AP3B1: variants seen among roughly 807,000 people sequenced by gnomAD.
The protein encoded by AP3B1 is adaptor related protein complex 3 subunit beta 1.
AP3B1 carries 61 observed loss-of-function variants against 132.5 expected under a neutral mutation model. The observed-to-expected ratio is 0.46, with a 90% confidence interval of 0.37 to 0.57. The LOEUF is 0.57. Ranked by LOEUF, AP3B1 falls within the 20% of genes least tolerant of loss-of-function variation. The pLI is 0.00. For synonymous variants in AP3B1, 388 were observed against 438.3 expected (o/e 0.89, Z 1.43); for missense variants, 1,120 against 1,289.4 (o/e 0.87, Z 2.01).
At chr5:78,046,551 C>T (rs889263109) in intron 22 of AP3B1, among the ~76,000 whole-genome samples, 1 of 152,138 alleles carries the variant, frequency 6.6e-6, no homozygotes, top group Non-Finnish European at 1.5e-5. Flanking sequence ...GATGTTTCCA[C>T]AGCAAACAGC....
At chr5:78,013,137 T>C (rs1480444532) in intron 26 of AP3B1, among the ~76,000 whole-genome samples, 1 of 152,066 alleles carries the variant, frequency 6.6e-6, no homozygotes, top group African/African-American at 2.4e-5. Flanking sequence ...TTGACCTCCA[T>C]GGGCTCAGGC....
In AP3B1 at chr5:78,003,508, T is replaced by C. The variant is rs532979513; in HGVS notation, c.3132-453A>G. On this transcript the variant is annotated intron_variant, in intron 26 of 26. Coordinates refer to ENST00000255194, the MANE Select transcript of AP3B1 (RefSeq NM_003664.5). ...AACTCCTCATATCTGAAAATGATTA[T>C]GTAATAAGTTAGATAATTTTACGTA... is the stretch of plus-strand genomic sequence containing the variant. 563 of 729,328 alleles carry C rather than the reference T, an allele frequency of 7.7e-4. No homozygotes were observed. The Middle Eastern group carries it at 0.019, about 25-fold the overall frequency. The allele number at this position is 729,328 out of a possible 1,614,324, so 45.2% of individuals were successfully genotyped here. A position where few individuals can be genotyped will look rare whatever the true frequency, so the allele number is the denominator to read the frequency against.
At chr5:78,040,007 A>G (rs1748005721) in intron 22 of AP3B1, among the ~76,000 whole-genome samples, 1 of 151,978 alleles carries the variant, frequency 6.6e-6, no homozygotes, top group Non-Finnish European at 1.5e-5. Context: ...GTTTTAGCCA[A>G]CTACCAAAAT....
chr5:78,137,256 T>C (rs1580394818), intron 15 of AP3B1, among the ~76,000 whole-genome samples: 1 of 152,298 alleles, frequency 6.6e-6, no homozygotes, highest in East Asian at 1.9e-4. Context: ...AGGTACAAAC[T>C]CAGTCTCTTG....
At chr5:78,084,273 G>T (rs1187082969) in intron 22 of AP3B1, among the ~76,000 whole-genome samples, 1 of 152,020 alleles carries the variant, frequency 6.6e-6, no homozygotes, top group Non-Finnish European at 1.5e-5. Flanking sequence ...TTGAGCCCAG[G>T]AGTTTGAGAC....
chr5:78,282,145 C>G lies in AP3B1; in HGVS notation c.128+12307G>C, dbSNP rs539919439. On this transcript the variant is annotated intron_variant, in intron 1 of 26. Coordinates refer to ENST00000255194, the MANE Select transcript of AP3B1 (RefSeq NM_003664.5). ...TTTCCACACTCAACATCCCTTGACA[C>G]TGCTGTCACCACCACCAAGGTCACC... Among the ~76,000 whole-genome samples, 37 of 152,286 alleles carry G rather than the reference C, an allele frequency of 2.4e-4. No homozygotes were observed. The South Asian group carries it at 2.5e-3, about 10-fold the overall frequency.
chr5:78,215,001 AAT>A (rs1745898107), intron 7 of AP3B1, among the ~76,000 whole-genome samples: 1 of 152,132 alleles, frequency 6.6e-6, no homozygotes, highest in African/African-American at 2.4e-5. Flanking sequence ...AACAGTTTTT[AAT>A]GCTAATACTA....
intron 25 of AP3B1, among the ~76,000 whole-genome samples, chr5:78,019,796 CTCT>C (rs759029890): frequency 2.5e-4 from 38 of 152,038 alleles, no homozygotes; most frequent in Admixed American, 6.6e-4. Flanking sequence ...AAGCGTGCCC[CTCT>C]TCTTAGGTGT....
chr5:78,149,347 T>C (rs1753546960), intron 14 of AP3B1, among the ~76,000 whole-genome samples: 2 of 152,278 alleles, frequency 1.3e-5, no homozygotes, highest in South Asian at 4.1e-4. Flanking sequence ...TTCTCAAATA[T>C]AAAATAGGAA....
intron 8 of AP3B1, among the ~76,000 whole-genome samples, chr5:78,178,512 C>T (rs112151957): frequency 0.014 from 2,142 of 152,204 alleles, 58 homozygotes; most frequent in African/African-American, 0.049. Flanking sequence ...ATCTCAGCTA[C>T]TTGGGAGGTT....
At chr5:78,124,148 T>G (rs1752359768) in intron 17 of AP3B1, among the ~76,000 whole-genome samples, 1 of 151,724 alleles carries the variant, frequency 6.6e-6, no homozygotes, top group South Asian at 2.1e-4. Flanking sequence ...AAATGAACAA[T>G]GAGAACACAT....
intron 2 of AP3B1, among the ~76,000 whole-genome samples, chr5:78,249,636 G>A (rs1011517036): frequency 2.8e-5 from 4 of 143,820 alleles, no homozygotes; most frequent in African/African-American, 7.9e-5. Flanking sequence ...CAGGCTAGAC[G>A]GCAATGGTGC....
At chr5:78,117,204 G>A (rs1751886926) in intron 17 of AP3B1, among the ~76,000 whole-genome samples, 1 of 132,058 alleles carries the variant, frequency 7.6e-6, no homozygotes, top group African/African-American at 2.9e-5. Flanking sequence ...ATCACAGCAT[G>A]TATTACTTGT....
chr5:78,284,794 T>G (rs948205783), intron 1 of AP3B1, among the ~76,000 whole-genome samples: 68 of 152,148 alleles, frequency 4.5e-4, no homozygotes, highest in African/African-American at 1.5e-3. Context: ...TCTCCAGCAA[T>G]TTTCCTTCTC....
intron 20 of AP3B1, among the ~76,000 whole-genome samples, chr5:78,107,973 C>T (rs774863614): frequency 2.0e-5 from 3 of 152,124 alleles, no homozygotes; most frequent in African/African-American, 4.8e-5. Flanking sequence ...TAGGTACTAG[C>T]ATGTCTGCTT....
At position 78,002,655 on chromosome 5, in the gene AP3B1, A is replaced by G; in HGVS notation, c.*247T>C. 3.3e-6 allele frequency: 2 copies of G among 605,650 alleles called. No individual in the cohort carries two copies. The highest frequency in any genetic ancestry group is 5.9e-6 in the Non-Finnish European group (2 of 341,876). 37.5% of individuals were successfully genotyped at this position (605,650 alleles called of 1,614,324 possible). On this transcript the variant is annotated 3_prime_UTR_variant, in exon 27 of 27. Coordinates refer to ENST00000255194, the MANE Select transcript of AP3B1 (RefSeq NM_003664.5). Reference sequence around the variant, plus strand: ...AGCAGCAGGACAGAGAAAACGCCACATGGATTCAAGAGTTGAGACAACTGA... The same window carrying G: ...AGCAGCAGGACAGAGAAAACGCCACGTGGATTCAAGAGTTGAGACAACTGA...
chr5:78,198,173 C>A (rs977808183), intron 7 of AP3B1, among the ~76,000 whole-genome samples: 1 of 152,110 alleles, frequency 6.6e-6, no homozygotes, highest in Non-Finnish European at 1.5e-5. Flanking sequence ...TCCAAGGCAG[C>A]CTGAAGGGTG....
intron 16 of AP3B1, 134 bp from the exon 17 acceptor site, chr5:78,128,294 C>T: frequency 1.3e-6 from 1 of 798,398 alleles, no homozygotes; most frequent in Admixed American, 2.5e-5. Flanking sequence ...GGAAGCTCTT[C>T]ATAGGTCAAA....
intron 7 of AP3B1, among the ~76,000 whole-genome samples, chr5:78,183,867 TAAAAAAAAAAA>T (rs899886034): frequency 4.2e-5 from 3 of 71,548 alleles, no homozygotes; most frequent in African/African-American, 1.8e-4. Flanking sequence ...AATTCCATCT[TAAAAAAAAAAA>T]AAAAAAAAAG....
Sources: gnomAD v4.1 joint callset for allele counts (sites outside exome capture counted in the v4.1 genomes callset) on GRCh38, gnomAD v4.1.1 for gene constraint, MANE v1.5 for transcripts, NCBI Gene and HGNC (gene_info 2026-07-23, HGNC 2026-07-21) for gene names.